The following DCAF17 variants were observed in gnomAD, a reference collection of about 807,000 sequenced individuals.
DCAF17 encodes DDB1- and CUL4-associated factor 17.
Under a neutral mutation model 66.0 loss-of-function variants are expected in DCAF17, and 48 were observed. That is an observed-to-expected ratio of 0.73 (90% CI 0.58 to 0.92). The LOEUF (loss-of-function observed/expected upper bound fraction) is 0.92. Ranked by LOEUF, DCAF17 falls within the 40% of genes least tolerant of loss-of-function variation. The pLI, the probability that DCAF17 is intolerant of heterozygous loss-of-function variation, is 0.00. For missense variants in DCAF17, 562 were observed against 622.8 expected (o/e 0.90, Z 1.04); for synonymous variants, 206 against 214.6 (o/e 0.96, Z 0.35).
At chr2:171,456,674 TCTCCTTGTAGAG>T (rs1695279722) in intron 6 of DCAF17, among the ~76,000 whole-genome samples, 1 of 151,956 alleles carries the variant, frequency 6.6e-6, no homozygotes, top group African/African-American at 2.4e-5. Context: ...TCTTTGTAGA[TCTCCTTGTAGAG>T]ATCTTTCACT....
At position 171,449,937 on chromosome 2, in the gene DCAF17, G is replaced by A; in HGVS notation, c.517G>A (p.Gly173Ser). 1.2e-6 allele frequency: 2 copies of A among 1,613,722 alleles called. No individual in the cohort carries two copies. The highest frequency in any genetic ancestry group is 1.7e-6 in the Non-Finnish European group (2 of 1,179,738). The change falls in exon 5 of 14, where the codon GGC becomes AGC. Residue 173 changes from glycine (G) to serine (S), a missense_variant. Transcript: ENST00000375255. The stretch of plus-strand genomic sequence containing the variant: ...TGCAGTTAAGTCAGCTCAGAACAGA[G>A]GCTCAGCAGTGGCCCGGCAGGTATA... The part of the protein sequence containing the change: ...VIAVKSAQNR[G>S]SAVARQAGIQ...
chr2:171,439,509 T>C (rs1694168738), intron 2 of DCAF17, among the ~76,000 whole-genome samples: 1 of 141,132 alleles, frequency 7.1e-6, no homozygotes, highest in African/African-American at 2.6e-5. Flanking sequence ...TTCTTTTTTT[T>C]CCTTTTTTTT....
At chr2:171,445,050 C>T (rs532889914) in intron 3 of DCAF17, among the ~76,000 whole-genome samples, 1 of 152,102 alleles carries the variant, frequency 6.6e-6, no homozygotes, top group South Asian at 2.1e-4. Flanking sequence ...TGGGGGAAGA[C>T]GACAGATTTC....
At chr2:171,463,958 C>T (rs1354870903) in intron 8 of DCAF17, among the ~76,000 whole-genome samples, 1 of 152,110 alleles carries the variant, frequency 6.6e-6, no homozygotes, top group Admixed American at 6.5e-5. Flanking sequence ...AAATGTTTTA[C>T]AGACAAACAC....
rs1201713572 is a variant in DCAF17, at chr2:171,477,974, T to C, written c.1183-13T>C. ...GAACTTGTCATATCTTTTTATTTCTTTCCATATGATAGAATGAAAATGTAC... is the reference window on the plus strand; with the variant it reads ...GAACTTGTCATATCTTTTTATTTCTCTCCATATGATAGAATGAAAATGTAC... On this transcript the variant is annotated splice_polypyrimidine_tract_variant and intron_variant, in intron 11 of 13. Coordinates refer to ENST00000375255, the MANE Select transcript of DCAF17 (RefSeq NM_025000.4). 8.7e-6 allele frequency: 14 copies of C among 1,607,228 alleles called. No individual in the cohort carries two copies. Among genetic ancestry groups the C allele is most frequent in the Non-Finnish European group, 1.1e-5 (13 of 1,173,804 alleles).
chr2:171,481,622 T>C lies in DCAF17; in HGVS notation c.*508T>C, dbSNP rs1007415356. 1 of 453,778 alleles carries C rather than the reference T, an allele frequency of 2.2e-6. No individual in the cohort carries two copies. Among genetic ancestry groups the C allele is most frequent in the Admixed American group, 2.4e-5 (1 of 42,526 alleles). The allele number at this position is 453,778 out of a possible 1,614,324, so 28.1% of individuals were successfully genotyped here. ...ATTATTTTGAGCCCAAAATGTGTCA[T>C]CACAGTTTTTAAAAATCTTATATAT... On this transcript the variant is annotated 3_prime_UTR_variant, in exon 14 of 14. Transcript: ENST00000375255.
intron 8 of DCAF17, among the ~76,000 whole-genome samples, chr2:171,466,098 A>C (rs1210986756): frequency 6.6e-6 from 1 of 152,096 alleles, no homozygotes; most frequent in Non-Finnish European, 1.5e-5. Flanking sequence ...TCCTGGGCTC[A>C]AGCAATCCAC....
At chr2:171,475,661 T>C (rs1015633830) in intron 10 of DCAF17, among the ~76,000 whole-genome samples, 2 of 151,906 alleles carry the variant, frequency 1.3e-5, no homozygotes, top group African/African-American at 4.8e-5. Context: ...TCCTCAGGAG[T>C]CTGGGGCAGG....
In DCAF17 at chr2:171,434,226, G is replaced by C; in HGVS notation, c.-352G>C. 2.3e-6 allele frequency: 1 copy of C among 443,372 alleles called. No homozygotes were observed. Among genetic ancestry groups the C allele is most frequent in the South Asian group, 1.6e-5 (1 of 62,450 alleles). 27.5% of individuals were successfully genotyped at this position (443,372 alleles called of 1,614,324 possible). A position where few individuals can be genotyped will look rare whatever the true frequency, so the allele number is the denominator to read the frequency against. On this transcript the variant is annotated 5_prime_UTR_variant, in exon 1 of 14. Coordinates refer to ENST00000375255, the MANE Select transcript of DCAF17 (RefSeq NM_025000.4). ...GCCTGACGGGAATTGTAGTTCCTGG[G>C]AGAAGCCGGGCTGCCTCACGAGGCA...
chr2:171,470,842 C>T (rs1696205432), intron 9 of DCAF17, among the ~76,000 whole-genome samples: 1 of 152,058 alleles, frequency 6.6e-6, no homozygotes. Flanking sequence ...CTTCTATATC[C>T]GTGGGTTCCA....
chr2:171,469,594 G>A (rs1008857787), intron 9 of DCAF17, among the ~76,000 whole-genome samples: 1 of 152,224 alleles, frequency 6.6e-6, no homozygotes, highest in African/African-American at 2.4e-5. Context: ...AATGGCTTAG[G>A]CGTTGATTTG....
chr2:171,440,799 A>G, intron 2 of DCAF17, among the ~76,000 whole-genome samples: 1 of 152,154 alleles, frequency 6.6e-6, no homozygotes, highest in Non-Finnish European at 1.5e-5. Flanking sequence ...TGTAATTGTC[A>G]GTATCCACCT....
At chr2:171,443,347 G>GT (rs574838124) in intron 2 of DCAF17, 176 bp from the exon 3 acceptor site, 980 of 517,732 alleles carry the variant, frequency 1.9e-3, no homozygotes, top group East Asian at 0.011. Flanking sequence ...TTTTAATCTT[G>GT]TTTTTTTTTA....
At chr2:171,477,931 C>A in intron 11 of DCAF17, 56 bp from the exon 12 acceptor site, 1 of 1,470,926 alleles carries the variant, frequency 6.8e-7, no homozygotes, top group South Asian at 1.1e-5. Context: ...ACAGTTTTAC[C>A]TTTGACTGCA....
At position 171,482,136 on chromosome 2, in the gene DCAF17, T is replaced by C; in HGVS notation, c.*1022T>C. The C allele has an allele frequency of 6.7e-6, 3 of 448,056 alleles. No individual in the cohort carries two copies. Among genetic ancestry groups the C allele is most frequent in the South Asian group, 4.8e-5 (3 of 62,778 alleles). The allele number at this position is 448,056 out of a possible 1,614,324, so 27.8% of individuals were successfully genotyped here. A position where few individuals can be genotyped will look rare whatever the true frequency, so the allele number is the denominator to read the frequency against. On this transcript the variant is annotated 3_prime_UTR_variant, in exon 14 of 14. Transcript: ENST00000375255. ...GACTTTTAATAATCATTCTTTAGAA[T>C]GTTAAATAAAGGCAACCCAAGTAAA... is the stretch of plus-strand genomic sequence containing the variant.
At chr2:171,448,633 G>A in intron 3 of DCAF17, 48 bp from the exon 4 acceptor site, 1 of 1,491,988 alleles carries the variant, frequency 6.7e-7, no homozygotes, top group Non-Finnish European at 9.0e-7. Flanking sequence ...ACTGCAAATT[G>A]TTCATGGCCA....
chr2:171,454,307 CAG>C (rs1695122045), intron 6 of DCAF17, among the ~76,000 whole-genome samples: 1 of 148,434 alleles, frequency 6.7e-6, no homozygotes, highest in Non-Finnish European at 1.5e-5. Flanking sequence ...TTTTTTGAGA[CAG>C]AGTCTTGCTC....
At chr2:171,442,690 G>T (rs1467068512) in intron 2 of DCAF17, among the ~76,000 whole-genome samples, 2 of 151,892 alleles carry the variant, frequency 1.3e-5, no homozygotes, top group Non-Finnish European at 2.9e-5. Flanking sequence ...GACCATCCTG[G>T]GCAACATGGC....
At chr2:171,480,902 G>A in intron 13 of DCAF17, 72 bp from the exon 14 acceptor site, 1 of 1,586,682 alleles carries the variant, frequency 6.3e-7, no homozygotes, top group Non-Finnish European at 8.7e-7. Flanking sequence ...CATAGGTACT[G>A]TGACATTTTA....
Sources: gnomAD v4.1 joint callset for allele counts (sites outside exome capture counted in the v4.1 genomes callset) on GRCh38, gnomAD v4.1.1 for gene constraint, MANE v1.5 for transcripts, NCBI Gene and HGNC (gene_info 2026-07-23, HGNC 2026-07-21) for gene names.